CPA6: variants seen among roughly 807,000 people sequenced by gnomAD.
The protein encoded by CPA6 is carboxypeptidase A6.
Under a neutral mutation model 63.3 loss-of-function variants are expected in CPA6, and 58 were observed. The observed-to-expected ratio is 0.92, with a 90% confidence interval of 0.74 to 1.14. The LOEUF (loss-of-function observed/expected upper bound fraction) is 1.14. Ranked by LOEUF, CPA6 falls within the 50% of genes most tolerant of loss-of-function variation. The probability of loss-of-function intolerance (pLI) is 0.00; values close to 1 mark genes in which losing one functional copy is unlikely to be tolerated. For missense variants in CPA6, 565 were observed against 526.6 expected (o/e 1.07, Z -0.71); for synonymous variants, 185 against 179.0 (o/e 1.03, Z -0.27).
rs748016131 is a variant in CPA6 at position 67,506,767 on chromosome 8, G to A, written c.636+20C>T. ...GCACTGACTAGCTGAAATGGACATT[G>A]TGTAAAGGGTTTAACTTACTTCTTT... On this transcript the variant is annotated intron_variant, in intron 6 of 10. Coordinates refer to ENST00000297770, the MANE Select transcript of CPA6 (RefSeq NM_020361.5). 1 of 1,501,522 alleles carries A rather than the reference G, an allele frequency of 6.7e-7. No homozygotes were observed. The highest frequency in any genetic ancestry group is 9.3e-7 in the Non-Finnish European group (1 of 1,077,464). 93.0% of individuals were successfully genotyped at this position (1,501,522 alleles called of 1,614,324 possible). A position where few individuals can be genotyped will look rare whatever the true frequency, so the allele number is the denominator to read the frequency against.
chr8:67,568,091 T>C (rs1813386971), intron 2 of CPA6, among the ~76,000 whole-genome samples: 1 of 152,158 alleles, frequency 6.6e-6, no homozygotes, highest in Non-Finnish European at 1.5e-5. Context: ...GCAAACTCTG[T>C]CTGCCCGGGG....
intron 2 of CPA6, among the ~76,000 whole-genome samples, chr8:67,553,359 C>T (rs943116195): frequency 6.6e-6 from 1 of 152,170 alleles, no homozygotes; most frequent in African/African-American, 2.4e-5. Flanking sequence ...ATCAATTCAG[C>T]AAGCTTGTAG....
At chr8:67,733,211 A>AT (rs1563412947) in intron 1 of CPA6, among the ~76,000 whole-genome samples, 5 of 129,944 alleles carry the variant, frequency 3.8e-5, no homozygotes, top group African/African-American at 1.3e-4. Context: ...AAAAAAAAAA[A>AT]AAAAAAAAAA....
intron 8 of CPA6, among the ~76,000 whole-genome samples, chr8:67,455,349 A>C (rs1351547999): frequency 6.6e-6 from 1 of 152,126 alleles, no homozygotes; most frequent in Admixed American, 6.6e-5. Context: ...ACGTGTTGCT[A>C]TCAGTAGTGG....
chr8:67,515,946 T>C (rs1480174061), intron 3 of CPA6, among the ~76,000 whole-genome samples: 1 of 152,148 alleles, frequency 6.6e-6, no homozygotes, highest in Non-Finnish European at 1.5e-5. Context: ...CTTAATATCT[T>C]CCCTGATTCT....
At chr8:67,605,554 G>A (rs1037133872) in intron 2 of CPA6, among the ~76,000 whole-genome samples, 1 of 67,034 alleles carries the variant, frequency 1.5e-5, no homozygotes, top group Admixed American at 1.5e-4. Flanking sequence ...TTTTTTGCAT[G>A]TTTTCCATCC....
chr8:67,435,324 C>A (rs749902591), intron 8 of CPA6, among the ~76,000 whole-genome samples: 8 of 152,024 alleles, frequency 5.3e-5, no homozygotes, highest in Non-Finnish European at 1.0e-4. Flanking sequence ...TTCTTCCCAG[C>A]TCAGGCAGAT....
At chr8:67,636,030 A>G (rs1815460793) in intron 1 of CPA6, among the ~76,000 whole-genome samples, 1 of 151,576 alleles carries the variant, frequency 6.6e-6, no homozygotes, top group Non-Finnish European at 1.5e-5. Context: ...CCATATCAGA[A>G]CTGAGTCTCG....
chr8:67,670,346 T>G (rs371842914), intron 1 of CPA6, among the ~76,000 whole-genome samples: 2 of 151,998 alleles, frequency 1.3e-5, no homozygotes, highest in African/African-American at 4.8e-5. Context: ...GCCACCCACT[T>G]TTAAACAACC....
At chr8:67,488,464 T>G (rs935959154) in intron 6 of CPA6, among the ~76,000 whole-genome samples, 6 of 152,194 alleles carry the variant, frequency 3.9e-5, no homozygotes, top group Non-Finnish European at 8.8e-5. Flanking sequence ...AGCCTTGTAG[T>G]ACAGTTTGAA....
At chr8:67,743,552 AG>A (rs1354445504) in intron 1 of CPA6, among the ~76,000 whole-genome samples, 2 of 152,186 alleles carry the variant, frequency 1.3e-5, no homozygotes, top group Non-Finnish European at 2.9e-5. Flanking sequence ...GCAAGCAAAC[AG>A]GTCTTACTCT....
chr8:67,574,116 G>A (rs932223175), intron 2 of CPA6, among the ~76,000 whole-genome samples: 1 of 151,830 alleles, frequency 6.6e-6, no homozygotes, highest in Non-Finnish European at 1.5e-5. Flanking sequence ...GGTGGTTCAT[G>A]ACTGTGATCT....
Position 67,746,288 on chromosome 8 carries a change from GA to G in CPA6, c.-160del, listed in dbSNP as rs796925267. On this transcript the variant is annotated 5_prime_UTR_variant, in exon 1 of 11. Transcript: ENST00000297770. The stretch of plus-strand genomic sequence containing the variant: ...GTGACACTTCTCTCCAGCTACAAGG[GA>G]AAAAAAAAGTTCAGGCAGCTGAGGA... 6.2e-4 allele frequency: 295 copies of G among 475,320 alleles called. No homozygotes were observed. The highest frequency in any genetic ancestry group is 2.9e-3 in the African/African-American group (147 of 51,252). 29.4% of individuals were successfully genotyped at this position (475,320 alleles called of 1,614,324 possible).
chr8:67,530,086 CAA>C (rs1270427442), intron 2 of CPA6, among the ~76,000 whole-genome samples: 1 of 151,772 alleles, frequency 6.6e-6, no homozygotes, highest in Non-Finnish European at 1.5e-5. Context: ...GTTCAAGAAA[CAA>C]GAGCAGAATG....
At chr8:67,687,396 G>T (rs555145763) in intron 1 of CPA6, among the ~76,000 whole-genome samples, 1 of 152,168 alleles carries the variant, frequency 6.6e-6, no homozygotes, top group Non-Finnish European at 1.5e-5. Flanking sequence ...GAGCAAAGCA[G>T]TGGACTTGTG....
intron 10 of CPA6, among the ~76,000 whole-genome samples, chr8:67,427,568 A>T (rs1053703707): frequency 2.0e-5 from 3 of 152,172 alleles, no homozygotes; most frequent in Admixed American, 2.0e-4. Context: ...TTCTCCATGT[A>T]AAAAAAAGAA....
intron 2 of CPA6, among the ~76,000 whole-genome samples, chr8:67,527,177 C>T (rs569866497): frequency 6.6e-6 from 1 of 152,276 alleles, no homozygotes; most frequent in African/African-American, 2.4e-5. Context: ...CACTGATGAC[C>T]TCTCCATGAT....
intron 8 of CPA6, among the ~76,000 whole-genome samples, chr8:67,482,665 A>G (rs915300195): frequency 2.0e-5 from 3 of 152,162 alleles, no homozygotes; most frequent in African/African-American, 7.2e-5. Context: ...CCCAGTTTGG[A>G]GCTAGGAACT....
At chr8:67,637,426 A>T (rs1222263325) in intron 1 of CPA6, among the ~76,000 whole-genome samples, 1 of 151,640 alleles carries the variant, frequency 6.6e-6, no homozygotes, top group Admixed American at 6.6e-5. Flanking sequence ...TATCTTCACT[A>T]TGTCTCAAGG....
Sources: allele counts gnomAD v4.1 joint callset (sites outside exome capture counted in the v4.1 genomes callset), GRCh38; gene constraint gnomAD v4.1.1; transcripts MANE v1.5; gene names NCBI Gene and HGNC (gene_info 2026-07-23, HGNC 2026-07-21).